Variants in SEC14L6 observed in about 807,000 individuals in gnomAD.
SEC14L6 encodes the protein SEC14 like lipid binding 6.
In SEC14L6, 40 loss-of-function variants were observed where a neutral mutation model predicts 54.1. The observed-to-expected ratio is 0.74, with a 90% CI of 0.57 to 0.96. The LOEUF is 0.96. Ranked by LOEUF, SEC14L6 falls within the 40% of genes least tolerant of loss-of-function variation. SEC14L6 has a pLI of 0.00. For missense variants in SEC14L6, 471 were observed against 498.3 expected (o/e 0.95, Z 0.52); for synonymous variants, 171 against 198.4 (o/e 0.86, Z 1.16).
chr22:30,535,059 TTATA>T (rs1937102524), intron 2 of SEC14L6, among the ~76,000 whole-genome samples: 2 of 150,746 alleles, frequency 1.3e-5, no homozygotes, highest in South Asian at 4.2e-4. Flanking sequence ...AAAAGAAAAA[TTATA>T]TATAAGTTTG....
chr22:30,539,104 C>T (rs555636835), intron 1 of SEC14L6, among the ~76,000 whole-genome samples: 4 of 152,068 alleles, frequency 2.6e-5, no homozygotes, highest in Admixed American at 6.6e-5. Flanking sequence ...AGGCCAGGCG[C>T]GGTGGCTCAC....
At chr22:30,542,693 A>C in intron 1 of SEC14L6, 1 of 1,547,558 alleles carries the variant, frequency 6.5e-7, no homozygotes, top group Non-Finnish European at 8.8e-7. Flanking sequence ...CAGCCTGAGA[A>C]GTCTGTATCA....
rs375073961 is a variant in SEC14L6 at position 30,528,422 on chromosome 22, C to CTT, written c.664+663_664+664dup. On this transcript the variant is annotated intron_variant, in intron 8 of 11. Coordinates refer to ENST00000402034, the MANE Select transcript of SEC14L6 (RefSeq NM_001193336.4). ...AGGCGTGAACCACCGCGCTCGGCCT[C>CTT]TTTTTTTTTTTTTTTTTTTGAGATA... 3.6e-4 allele frequency among the ~76,000 whole-genome samples: 38 copies of CTT among 105,504 alleles called. 1 individual carries two copies. The highest frequency in any genetic ancestry group is 1.6e-3 in the South Asian group (5 of 3,128). The allele number at this position is 105,504 out of a possible 152,430, so 69.2% of individuals were successfully genotyped here.
At chr22:30,546,488 C>T in intron 1 of SEC14L6, 141 bp downstream of exon 1, 1 of 666,870 alleles carries the variant, frequency 1.5e-6, no homozygotes, top group Non-Finnish European at 2.6e-6. Flanking sequence ...CTGGTGTAGC[C>T]TCTGGCTACC....
At chr22:30,525,141 G>A in intron 11 of SEC14L6, 32 bp from the exon 12 acceptor site, 1 of 1,351,158 alleles carries the variant, frequency 7.4e-7, no homozygotes, top group Non-Finnish European at 1.0e-6. Context: ...CAGACAAGAT[G>A]CCCCACCTGG....
rs1936998155 is a variant in SEC14L6, at chr22:30,532,121, TG to T, written c.424-124del. The T allele has an allele frequency of 4.1e-6, 6 of 1,447,806 alleles. No individual in the cohort carries two copies. The South Asian group carries it at 8.9e-5, about 21-fold the overall frequency. The allele number at this position is 1,447,806 out of a possible 1,614,324, so 89.7% of individuals were successfully genotyped here. The stretch of plus-strand genomic sequence containing the variant: ...GTCTCAGCTCTGCATGGCACAGAGA[TG>T]GGGGAGGGAAGGGGCCATCCCACAG... On this transcript the variant is annotated intron_variant, in intron 5 of 11. Transcript: ENST00000402034.
intron 8 of SEC14L6, among the ~76,000 whole-genome samples, chr22:30,527,950 G>GTA (rs1936831103): frequency 6.6e-6 from 1 of 151,586 alleles, no homozygotes; most frequent in African/African-American, 2.4e-5. Flanking sequence ...TTACAAAAGG[G>GTA]TATATGTATG....
chr22:30,539,029 C>T (rs567510672), intron 1 of SEC14L6, 127 bp from the exon 2 acceptor site: 24 of 636,144 alleles, frequency 3.8e-5, no homozygotes, highest in African/African-American at 1.1e-4. Flanking sequence ...GATCAGGGTC[C>T]GGGTCAAGCC....
intron 1 of SEC14L6, chr22:30,543,871 C>T: frequency 6.4e-7 from 1 of 1,554,488 alleles, no homozygotes; most frequent in Non-Finnish European, 8.9e-7. Flanking sequence ...CCTGAACCTG[C>T]CCAAGGGGAA....
At chr22:30,545,201 C>T (rs750216243) in intron 1 of SEC14L6, among the ~76,000 whole-genome samples, 32 of 152,158 alleles carry the variant, frequency 2.1e-4, no homozygotes, top group Admixed American at 1.8e-3. Context: ...CGAAAATGCA[C>T]CCTGTTCCTG....
At chr22:30,531,814 G>T in intron 6 of SEC14L6, 89 bp downstream of exon 6, 3 of 900,910 alleles carry the variant, frequency 3.3e-6, no homozygotes, top group South Asian at 1.6e-5. Context: ...GAGGAGAGAG[G>T]ATTCCCGCCC....
intron 1 of SEC14L6, chr22:30,543,435 G>A: frequency 6.2e-7 from 1 of 1,610,902 alleles, no homozygotes; most frequent in Non-Finnish European, 8.5e-7. Flanking sequence ...CCTGGTTGGA[G>A]AACGGCAATG....
chr22:30,533,006 T>C lies in SEC14L6; in HGVS notation c.175-150A>G, dbSNP rs996488836. On this transcript the variant is annotated intron_variant, in intron 3 of 11. Transcript: ENST00000402034. ...GCTCCACTGACATAGAACTGGGGGA[T>C]GGAAACAGGATGGGGATGGAAGGGG... is the stretch of plus-strand genomic sequence containing the variant. 2.3e-5 allele frequency: 34 copies of C among 1,486,124 alleles called. No homozygotes were observed. In the African/African-American group the frequency reaches 3.9e-4, roughly 17 times the overall value. The allele number at this position is 1,486,124 out of a possible 1,614,324, so 92.1% of individuals were successfully genotyped here. A position where few individuals can be genotyped will look rare whatever the true frequency, so the allele number is the denominator to read the frequency against.
intron 5 of SEC14L6, 157 bp downstream of exon 5, chr22:30,532,368 T>A: frequency 1.1e-6 from 1 of 886,070 alleles, no homozygotes; most frequent in Non-Finnish European, 1.4e-6. Context: ...CTGTGTGGCC[T>A]TGGGTGGGTC....
chr22:30,530,979 C>T (rs1179100294), intron 6 of SEC14L6, among the ~76,000 whole-genome samples: 1 of 152,146 alleles, frequency 6.6e-6, no homozygotes, highest in Non-Finnish European at 1.5e-5. Flanking sequence ...GGGACATCCA[C>T]AGGGACATTG....
chr22:30,534,107 C>G, intron 2 of SEC14L6, 68 bp from the exon 3 acceptor site: 1 of 1,453,096 alleles, frequency 6.9e-7, no homozygotes, highest in Non-Finnish European at 9.4e-7. Flanking sequence ...GGAGAGACAA[C>G]GGCCCTGCCC....
At chr22:30,538,931 C>G (rs1250691055) in intron 1 of SEC14L6, 29 bp from the exon 2 acceptor site, 1 of 1,488,892 alleles carries the variant, frequency 6.7e-7, no homozygotes. Context: ...AGACCTGGGT[C>G]AGAGGCCAAC....
chr22:30,533,582 C>T (rs998320428), intron 3 of SEC14L6, among the ~76,000 whole-genome samples: 4 of 137,420 alleles, frequency 2.9e-5, no homozygotes, highest in African/African-American at 1.1e-4. Context: ...GCCTGGGTGA[C>T]AGAGCAAGAC....
At chr22:30,545,802 GT>G (rs1190056407) in intron 1 of SEC14L6, among the ~76,000 whole-genome samples, 3 of 151,206 alleles carry the variant, frequency 2.0e-5, no homozygotes, top group Non-Finnish European at 3.0e-5. Flanking sequence ...TTCTTTTTAG[GT>G]TTTTTTTGTT....
Sources: allele counts gnomAD v4.1 joint callset (sites outside exome capture counted in the v4.1 genomes callset), GRCh38; gene constraint gnomAD v4.1.1; transcripts MANE v1.5; gene names NCBI Gene and HGNC (gene_info 2026-07-23, HGNC 2026-07-21).